ZFP3: variants seen among roughly 807,000 people sequenced by gnomAD.
ZFP3 encodes ZFP3 zinc finger protein, also known as zinc finger protein 3 homolog.
ZFP3 carries 18 observed loss-of-function variants against 36.7 expected under a neutral mutation model. The observed-to-expected ratio is 0.49, with a 90% CI of 0.34 to 0.73. The LOEUF (loss-of-function observed/expected upper bound fraction) is 0.73, where lower values mean the gene tolerates loss of function less well. ZFP3 is among the 30% of genes least tolerant of loss of function. The pLI is 0.01. For missense variants in ZFP3, 495 were observed against 599.0 expected (o/e 0.83, Z 1.81); for synonymous variants, 218 against 199.0 (o/e 1.10, Z -0.81).
intron 1 of ZFP3, 25 bp from the exon 2 acceptor site, chr17:5,091,472 C>T (rs751823852): frequency 5.6e-6 from 9 of 1,601,122 alleles, no homozygotes; most frequent in Non-Finnish European, 6.0e-6. Flanking sequence ...ACGGTCCCTT[C>T]ACATACTTAC....
chr17:5,088,718 A>C (rs550542686), intron 1 of ZFP3, among the ~76,000 whole-genome samples: 1 of 151,908 alleles, frequency 6.6e-6, no homozygotes, highest in Non-Finnish European at 1.5e-5. Context: ...AAAGTGCTGG[A>C]ATTACAGGCG....
chr17:5,078,794 G>A lies in ZFP3; in HGVS notation c.-9+219G>A, dbSNP rs1262916259. ...CTGGACACCGCCAGGGACAGTCCCA[G>A]CTCTGGTTTGGTGCCTGTCAGCCGT... is the stretch of plus-strand genomic sequence containing the variant. On this transcript the variant is annotated intron_variant, in intron 1 of 1. Transcript: ENST00000318833. The surrounding 1 kb of genome is among the most constrained non-coding windows in gnomAD (Gnocchi z 4.5). Among the ~76,000 whole-genome samples the A allele has an allele frequency of 6.6e-6, 1 of 152,240 alleles. No individual in the cohort carries two copies. Among genetic ancestry groups the A allele is most frequent in the Non-Finnish European group, 1.5e-5 (1 of 68,044 alleles).
In ZFP3 at chr17:5,093,554, A is replaced by G. The variant is rs1255734128; in HGVS notation, c.*541A>G. The G allele has an allele frequency of 6.0e-6, 1 of 167,256 alleles. No homozygotes were observed. Among genetic ancestry groups the G allele is most frequent in the Non-Finnish European group, 1.5e-5 (1 of 68,286 alleles). The allele number at this position is 167,256 out of a possible 1,614,324, so 10.4% of individuals were successfully genotyped here. On this transcript the variant is annotated 3_prime_UTR_variant, in exon 2 of 2. Coordinates refer to ENST00000318833, the MANE Select transcript of ZFP3 (RefSeq NM_153018.3). ...ACCTCCTAAGAATGAGAGTTGACTC[A>G]TTGACTGTTACCCCCTGAAATATTA...
chr17:5,085,396 C>T lies in ZFP3; in HGVS notation c.-8-6101C>T, dbSNP rs539897448. Among the ~76,000 whole-genome samples, 141 of 145,286 alleles carry T rather than the reference C, an allele frequency of 9.7e-4. 1 individual carries two copies. The highest frequency in any genetic ancestry group is 8.3e-4 in the East Asian group (4 of 4,814). On this transcript the variant is annotated intron_variant, in intron 1 of 1. Coordinates refer to ENST00000318833, the MANE Select transcript of ZFP3 (RefSeq NM_153018.3). ...TTTGTTTTTTTTTTTTGAGACGGAG[C>T]CTTGCTCTGTCGCCCAGGCTGGAGT...
chr17:5,086,574 C>T (rs2072121881), intron 1 of ZFP3, among the ~76,000 whole-genome samples: 1 of 147,188 alleles, frequency 6.8e-6, no homozygotes, highest in African/African-American at 2.5e-5. Flanking sequence ...TCTTGGTCTT[C>T]TCCTTTCATC....
rs755751474 is a variant in ZFP3 at position 5,091,785 on chromosome 17, G to A, written c.281G>A (p.Gly94Asp). Residue 94 changes from glycine (G) to aspartate (D), a missense_variant, in exon 2 of 2, where the codon GGC (glycine) becomes GAC (aspartate). Transcript: ENST00000318833. ...CGGGAGAATAATGAGAGTGAGAGAGGCTGCAGTCCCAGCCCAAATCTGGTT... is the reference window on the plus strand; with the variant it reads ...CGGGAGAATAATGAGAGTGAGAGAGACTGCAGTCCCAGCCCAAATCTGGTT... ...KDRENNESER[G>D]CSPSPNLVTH... 4 of 1,614,104 alleles carry A rather than the reference G, an allele frequency of 2.5e-6. No individual in the cohort carries two copies. The South Asian group carries it at 3.3e-5, about 13-fold the overall frequency.
chr17:5,083,973 T>A (rs2072107453), intron 1 of ZFP3, among the ~76,000 whole-genome samples: 1 of 151,884 alleles, frequency 6.6e-6, no homozygotes, highest in Admixed American at 6.6e-5. Flanking sequence ...TTCAACTGAT[T>A]CTCCTGCCTC....
At chr17:5,084,217 T>C (rs1052346307) in intron 1 of ZFP3, among the ~76,000 whole-genome samples, 5 of 151,768 alleles carry the variant, frequency 3.3e-5, no homozygotes, top group South Asian at 2.1e-4. Flanking sequence ...TTATTTCTTG[T>C]TGTTAATTAA....
In ZFP3 at chr17:5,094,208, T is replaced by G. The variant is rs889448108; in HGVS notation, c.*1195T>G. On this transcript the variant is annotated 3_prime_UTR_variant, in exon 2 of 2. Coordinates refer to ENST00000318833, the MANE Select transcript of ZFP3 (RefSeq NM_153018.3). ...GTTTTGCCCCTTGGCCTTGAAATTC[T>G]TTTTTCTTGAATAACTTTAAAAAAA... The G allele has an allele frequency of 6.0e-6, 1 of 167,164 alleles. No homozygotes were observed. The highest frequency in any genetic ancestry group is 1.5e-5 in the Non-Finnish European group (1 of 68,138). 10.4% of individuals were successfully genotyped at this position (167,164 alleles called of 1,614,324 possible). A position where few individuals can be genotyped will look rare whatever the true frequency, so the allele number is the denominator to read the frequency against.
Position 5,092,478 on chromosome 17 carries a change from T to C in ZFP3, c.974T>C (p.Ile325Thr). 1.2e-6 allele frequency: 2 copies of C among 1,614,188 alleles called. No homozygotes were observed. Among genetic ancestry groups the C allele is most frequent in the South Asian group, 1.1e-5 (1 of 91,078 alleles). ...GGCTTCGGGCAGAGTTCTGAGCTTA[T>C]CCGGCATCAGAGAATTCATACAGGG... Reference protein sequence around the residue: ...GKGFGQSSELIRHQRIHTGDK... With the variant: ...GKGFGQSSELTRHQRIHTGDK... The change falls in exon 2 of 2, where the codon ATC becomes ACC. Residue 325 changes from isoleucine to threonine, a missense_variant. This residue lies in a region of ZFP3 where 103 missense variants were observed against 186.8 expected (regional missense o/e 0.55). Coordinates refer to ENST00000318833, the MANE Select transcript of ZFP3 (RefSeq NM_153018.3). This position sits in a 1 kb window ranked among gnomAD's most constrained non-coding sequence, Gnocchi z 5.0.
chr17:5,091,729 C>T lies in ZFP3; in HGVS notation c.225C>T (p.Ile75=), dbSNP rs1567750038. Residue 75 remains isoleucine (I), a synonymous_variant, in exon 2 of 2, where the codon ATC becomes ATT. Coordinates refer to ENST00000318833, the MANE Select transcript of ZFP3 (RefSeq NM_153018.3). The part of the protein sequence containing the change: ...QERDFPSGLM[I]FKKSPSSEKD... Reference sequence around the variant, plus strand: ...GAGACTTTCCATCAGGGTTGATGATCTTTAAGAAATCACCCTCAAGTGAGA... The same window carrying T: ...GAGACTTTCCATCAGGGTTGATGATTTTTAAGAAATCACCCTCAAGTGAGA... The T allele has an allele frequency of 6.2e-7, 1 of 1,614,186 alleles. No individual in the cohort carries two copies. The highest frequency in any genetic ancestry group is 2.2e-5 in the East Asian group (1 of 44,884).
chr17:5,083,830 G>A (rs1310856828), intron 1 of ZFP3, among the ~76,000 whole-genome samples: 1 of 149,072 alleles, frequency 6.7e-6, no homozygotes, highest in Non-Finnish European at 1.5e-5. Flanking sequence ...AGGGTTTTAT[G>A]TGGCTTTCCA....
intron 1 of ZFP3, among the ~76,000 whole-genome samples, chr17:5,088,239 C>T (rs1368299433): frequency 1.3e-5 from 2 of 152,116 alleles, no homozygotes; most frequent in Non-Finnish European, 2.9e-5. Context: ...CACCACCGTC[C>T]ATCTAATTAC....
chr17:5,092,621 G>A lies in ZFP3; in HGVS notation c.1117G>A (p.Ala373Thr). 1 of 1,614,082 alleles carries A rather than the reference G, an allele frequency of 6.2e-7. No homozygotes were observed. Among genetic ancestry groups the A allele is most frequent in the Non-Finnish European group, 8.5e-7 (1 of 1,179,996 alleles). Reference protein sequence around the residue: ...KPYVCKECGKAFRGNSELLRH... With the variant: ...KPYVCKECGKTFRGNSELLRH... ...CTATGTATGTAAGGAATGTGGGAAG[G>A]CCTTCAGGGGGAACTCAGAACTTCT... is the stretch of plus-strand genomic sequence containing the variant. Residue 373 changes from alanine (A) to threonine (T), a missense_variant, in exon 2 of 2, where the codon GCC becomes ACC. Ala to Thr is a moderately conservative substitution (Grantham distance 58). Coordinates refer to ENST00000318833, the MANE Select transcript of ZFP3 (RefSeq NM_153018.3). This position sits in a 1 kb window ranked among gnomAD's most constrained non-coding sequence, Gnocchi z 5.0.
At position 5,091,774 on chromosome 17, in the gene ZFP3, G is replaced by C. The variant is rs576777053; in HGVS notation, c.270G>C (p.Glu90Asp). The C allele has an allele frequency of 5.6e-6, 9 of 1,614,102 alleles. No individual in the cohort carries two copies. Among genetic ancestry groups the C allele is most frequent in the Middle Eastern group, 1.6e-4 (1 of 6,084 alleles). Residue 90 changes from glutamate (E) to aspartate (D), a missense_variant, in exon 2 of 2, where the codon GAG becomes GAC. Glu to Asp is a conservative substitution (Grantham distance 45, BLOSUM62 2). Transcript: ENST00000318833. ...PSSEKDRENNESERGCSPSPN... is the reference protein window; with the variant it reads ...PSSEKDRENNDSERGCSPSPN... ...GTGAGAAAGACCGGGAGAATAATGAGAGTGAGAGAGGCTGCAGTCCCAGCC... is the reference window on the plus strand; with the variant it reads ...GTGAGAAAGACCGGGAGAATAATGACAGTGAGAGAGGCTGCAGTCCCAGCC...
In ZFP3 at chr17:5,091,898, CAG is replaced by C; in HGVS notation, c.398_399del (p.Arg133LysfsTer11). 1 of 1,614,192 alleles carries C rather than the reference CAG, an allele frequency of 6.2e-7. No homozygotes were observed. The highest frequency in any genetic ancestry group is 8.5e-7 in the Non-Finnish European group (1 of 1,180,046). ...AGAGATTTTAGAATCTAACAAAACA[CAG>C]AGAAGTTCTGTGGGAGAAAAGCCTC... ...FLEILESNKTQRSSVGEKPHT... is the reference protein window; with the variant it reads ...FLEILESNKTXRSSVGEKPHT... On this transcript the variant is annotated frameshift_variant, in exon 2 of 2. Coordinates refer to ENST00000318833, the MANE Select transcript of ZFP3 (RefSeq NM_153018.3). LOFTEE classifies it high-confidence loss of function.
chr17:5,092,594 C>A lies in ZFP3; in HGVS notation c.1090C>A (p.Pro364Thr), dbSNP rs1161020026. The A allele has an allele frequency of 1.9e-6, 3 of 1,613,972 alleles. No homozygotes were observed. In the Admixed American group the frequency reaches 5.0e-5, roughly 27 times the overall value. ...RHIRIHTGEK[P>T]YVCKECGKAF... is the part of the protein sequence containing the mutation. ...TATTAGAATTCATACTGGTGAGAAG[C>A]CCTATGTATGTAAGGAATGTGGGAA... The change falls in exon 2 of 2, where the codon CCC (proline) becomes ACC (threonine). Residue 364 changes from proline (P) to threonine (T), a missense_variant. Pro to Thr is a conservative substitution (Grantham distance 38, BLOSUM62 -1). This residue lies in a region of ZFP3 where 163 missense variants were observed against 178.4 expected (regional missense o/e 0.91). Transcript: ENST00000318833. This position sits in a 1 kb window ranked among gnomAD's most constrained non-coding sequence, Gnocchi z 5.0.
intron 1 of ZFP3, among the ~76,000 whole-genome samples, chr17:5,082,759 G>A (rs959372367): frequency 9.2e-5 from 14 of 152,178 alleles, no homozygotes; most frequent in Middle Eastern, 3.4e-3. Flanking sequence ...CAAACTCCTG[G>A]GCTTAAGTGA....
Position 5,094,735 on chromosome 17 carries a change from G to C in ZFP3, c.*1722G>C, listed in dbSNP as rs8082301. The stretch of plus-strand genomic sequence containing the variant: ...TTGAGTGTTTACTACCTGACAGGCA[G>C]AGTGCCAGTTTACATTTTAATTTTC... On this transcript the variant is annotated 3_prime_UTR_variant, in exon 2 of 2. Coordinates refer to ENST00000318833, the MANE Select transcript of ZFP3 (RefSeq NM_153018.3). 0.99 allele frequency: 165,809 copies of C among 167,258 alleles called. 82,198 individuals are homozygous for C. Among genetic ancestry groups the C allele is most frequent in the East Asian group, 1 (5,194 of 5,194 alleles). The allele number at this position is 167,258 out of a possible 1,614,324, so 10.4% of individuals were successfully genotyped here.
Sources: allele counts gnomAD v4.1 joint callset (sites outside exome capture counted in the v4.1 genomes callset), GRCh38; gene constraint gnomAD v4.1.1; regional missense constraint gnomAD v4.1.1; non-coding constraint Gnocchi (gnomAD v3.1); transcripts MANE v1.5; gene names NCBI Gene and HGNC (gene_info 2026-07-23, HGNC 2026-07-21).